The following EXOSC10 variants were observed in gnomAD, a reference collection of about 807,000 sequenced individuals.
EXOSC10 encodes the protein exosome component 10.
EXOSC10 carries 94 observed loss-of-function variants against 126.6 expected under a neutral mutation model. That is an observed-to-expected ratio of 0.74 (90% CI 0.63 to 0.88). The LOEUF is 0.88. EXOSC10 is among the 40% of genes least tolerant of loss of function. The pLI is 0.00. For missense variants in EXOSC10, 1,041 were observed against 1,100.5 expected, an observed-to-expected ratio of 0.95 and a Z score of 0.77; for synonymous variants, 395 against 400.8, an observed-to-expected ratio of 0.99 and a Z score of 0.17.
At chr1:11,087,998 A>G in intron 7 of EXOSC10, 88 bp from the exon 8 acceptor site, 2 of 1,234,104 alleles carry the variant, frequency 1.6e-6, no homozygotes, top group Non-Finnish European at 2.3e-6. Flanking sequence ...TTGAGAAATG[A>G]CCCAAAACTG....
At chr1:11,079,974 T>C in intron 13 of EXOSC10, 152 bp from the exon 14 acceptor site, 5 of 643,306 alleles carry the variant, frequency 7.8e-6, no homozygotes, top group South Asian at 7.5e-5. Context: ...CAGGCCAGCC[T>C]AGGCCAACTT....
chr1:11,074,235 C>T lies in EXOSC10; in HGVS notation c.2078G>A (p.Arg693Lys). ...CCTGACAAAACTACTACTCACCATCCTAAATGGATTTTCAAAGGACTCCAT... is the reference window on the plus strand; with the variant it reads ...CCTGACAAAACTACTACTCACCATCTTAAATGGATTTTCAAAGGACTCCAT... ...NIMESFENPF[R>K]MFLPSLGHRA... The change falls in exon 18 of 25, where the codon AGG becomes AAG. Residue 693 changes from arginine to lysine, a missense_variant. By Grantham distance (26) the Arg-to-Lys change is conservative. Around this residue, in one of 3 missense-constraint regions of EXOSC10, gnomAD observed 388 missense variants for 415.2 expected, o/e 0.93. Transcript: ENST00000376936. The T allele has an allele frequency of 1.9e-6, 3 of 1,613,278 alleles. No homozygotes were observed. The highest frequency in any genetic ancestry group is 2.5e-6 in the Non-Finnish European group (3 of 1,179,240).
chr1:11,085,111 G>C (rs1640418902), intron 9 of EXOSC10, among the ~76,000 whole-genome samples: 1 of 152,110 alleles, frequency 6.6e-6, no homozygotes. Flanking sequence ...GGCGATGCAG[G>C]CTCTTTTTTG....
intron 9 of EXOSC10, among the ~76,000 whole-genome samples, chr1:11,084,485 T>C (rs2100990636): frequency 6.6e-6 from 1 of 152,350 alleles, no homozygotes; most frequent in East Asian, 1.9e-4. Context: ...ATTTTTTTCT[T>C]GTAAATTTGT....
In EXOSC10 at chr1:11,094,403, T is replaced by C. The variant is rs551334436; in HGVS notation, c.372+1355A>G. ...TCTGCCTCACGAGTTCAAGCGATTC[T>C]CCTGCCTCAGCCTCCTGAGTAGCTG... On this transcript the variant is annotated intron_variant, in intron 3 of 24. Transcript: ENST00000376936. 6.6e-4 allele frequency among the ~76,000 whole-genome samples: 100 copies of C among 151,866 alleles called. 1 individual carries two copies. The highest frequency in any genetic ancestry group is 2.3e-3 in the African/African-American group (95 of 41,400).
At chr1:11,088,804 A>G (rs1640640194) in intron 6 of EXOSC10, among the ~76,000 whole-genome samples, 2 of 152,232 alleles carry the variant, frequency 1.3e-5, no homozygotes, top group Non-Finnish European at 2.9e-5. Context: ...GGCCAATACT[A>G]ACCAAATTTT....
In EXOSC10 at chr1:11,087,897, A is replaced by C; in HGVS notation, c.848T>G (p.Ile283Arg). ...QKPQPQLYRP[I>R]EETPCHFISS... Reference sequence around the variant, plus strand: ...TATGAAATGGCATGGTGTCTCTTCTATAGGTCTGTATAACTGGATCAAGAG... The same window carrying C: ...TATGAAATGGCATGGTGTCTCTTCTCTAGGTCTGTATAACTGGATCAAGAG... The change falls in exon 8 of 25, where the codon ATA (isoleucine) becomes AGA (arginine). Residue 283 changes from isoleucine to arginine, a missense_variant. Physicochemically the swap from Ile to Arg is moderately conservative, Grantham distance 97 (BLOSUM62 -3). Coordinates refer to ENST00000376936, the MANE Select transcript of EXOSC10 (RefSeq NM_001001998.3). The C allele has an allele frequency of 1.3e-6, 2 of 1,598,940 alleles. No individual in the cohort carries two copies. The highest frequency in any genetic ancestry group is 2.2e-5 in the South Asian group (2 of 90,318).
intron 21 of EXOSC10, 141 bp downstream of exon 21, chr1:11,070,759 T>C (rs1639435015): frequency 1.4e-5 from 10 of 705,110 alleles, no homozygotes; most frequent in Non-Finnish European, 1.9e-5. Context: ...TAGACACTAA[T>C]AGCCAAGCTA....
Position 11,095,638 on chromosome 1 carries a change from C to T in EXOSC10, c.372+120G>A, listed in dbSNP as rs186504992. 737 of 887,318 alleles carry T rather than the reference C, an allele frequency of 8.3e-4. 3 individuals carry two copies. The highest frequency in any genetic ancestry group is 5.5e-3 in the African/African-American group (326 of 59,602). The allele number at this position is 887,318 out of a possible 1,614,324, so 55.0% of individuals were successfully genotyped here. ...CTGAGGCAGGAGAGTGTTGTGAACC[C>T]GGGAGGCAGAGCTTGCAGTGAGTCG... On this transcript the variant is annotated intron_variant, in intron 3 of 24. Transcript: ENST00000376936.
intron 3 of EXOSC10, 49 bp downstream of exon 3, chr1:11,095,709 G>A (rs374159799): frequency 2.0e-4 from 319 of 1,577,514 alleles, no homozygotes; most frequent in Non-Finnish European, 1.6e-4. Flanking sequence ...GCGAGACTCC[G>A]TCTCAAAAAC....
intron 5 of EXOSC10, 29 bp from the exon 6 acceptor site, chr1:11,090,697 C>A (rs113194852): frequency 2.0e-6 from 3 of 1,480,400 alleles, no homozygotes; most frequent in Non-Finnish European, 1.9e-6. Context: ...ACAAAAACAT[C>A]ATTAGCACAT....
At position 11,069,130 on chromosome 1, in the gene EXOSC10, G is replaced by GCC. The variant is rs773349222; in HGVS notation, c.2489-426_2489-425dup. Among the ~76,000 whole-genome samples, 53 of 152,238 alleles carry GCC rather than the reference G, an allele frequency of 3.5e-4. 1 individual carries two copies. In the Middle Eastern group the frequency reaches 0.024, roughly 68 times the overall value. On this transcript the variant is annotated intron_variant, in intron 22 of 24. Transcript: ENST00000376936. The stretch of plus-strand genomic sequence containing the variant: ...TCCGAAGGCTGCTAGAGTCGAGAAT[G>GCC]CCATCTGTAGCCCCTTCAAAGCAGA...
intron 15 of EXOSC10, 65 bp from the exon 16 acceptor site, chr1:11,077,508 G>A (rs1355553958): frequency 3.1e-6 from 5 of 1,599,172 alleles, no homozygotes; most frequent in Non-Finnish European, 4.3e-6. Flanking sequence ...CTTTCTGCCA[G>A]CTGTCAGCAC....
chr1:11,067,526 C>T (rs942710881), intron 24 of EXOSC10, among the ~76,000 whole-genome samples: 4 of 151,666 alleles, frequency 2.6e-5, no homozygotes, highest in African/African-American at 4.8e-5. Context: ...CTTGCTTGAA[C>T]CCAGGAGGTG....
At chr1:11,075,572 G>A (rs1435150536) in intron 17 of EXOSC10, among the ~76,000 whole-genome samples, 1 of 152,144 alleles carries the variant, frequency 6.6e-6, no homozygotes, top group Non-Finnish European at 1.5e-5. Context: ...TCTGAGGTCA[G>A]CTAAAGCGCC....
chr1:11,078,412 T>G (rs12027609), intron 14 of EXOSC10, among the ~76,000 whole-genome samples: 86,225 of 151,418 alleles, frequency 0.57, 29,048 homozygotes, highest in East Asian at 0.74. Context: ...CGCCCGCCAC[T>G]ACGCCTGGCT....
At chr1:11,091,693 C>T in intron 3 of EXOSC10, 96 bp from the exon 4 acceptor site, 2 of 921,314 alleles carry the variant, frequency 2.2e-6, no homozygotes, top group East Asian at 5.2e-5. Flanking sequence ...GAGTATCACT[C>T]TGTCACCCAG....
intron 17 of EXOSC10, among the ~76,000 whole-genome samples, chr1:11,075,405 T>C (rs991147252): frequency 6.6e-6 from 1 of 152,204 alleles, no homozygotes; most frequent in Non-Finnish European, 1.5e-5. Context: ...AAATATGTGC[T>C]ATCCTTTTGC....
rs200670819 is a variant in EXOSC10 at position 11,073,992 on chromosome 1, C to A, written c.2099G>T (p.Gly700Val). The change falls in exon 19 of 25, where the codon GGA (glycine) becomes GTA (valine). Residue 700 changes from glycine to valine, a missense_variant. By Grantham distance (109) the Gly-to-Val change is moderately radical. This residue lies in a region of EXOSC10 where 388 missense variants were observed against 415.2 expected (regional missense o/e 0.93). Coordinates refer to ENST00000376936, the MANE Select transcript of EXOSC10 (RefSeq NM_001001998.3). ...TGCCTGAGAGACGGGAGCACGGTGT[C>A]CCAGTGAGGGCAGAAACTGGAGGAA... ...NPFRMFLPSL[G>V]HRAPVSQAAK... 1.7e-5 allele frequency: 28 copies of A among 1,613,516 alleles called. No homozygotes were observed. Among genetic ancestry groups the A allele is most frequent in the Non-Finnish European group, 7.6e-6 (9 of 1,179,904 alleles).
Sources: allele counts gnomAD v4.1 joint callset (sites outside exome capture counted in the v4.1 genomes callset), GRCh38; gene constraint gnomAD v4.1.1; regional missense constraint gnomAD v4.1.1; transcripts MANE v1.5; gene names NCBI Gene and HGNC (gene_info 2026-07-23, HGNC 2026-07-21).